The following NNT variants were observed in gnomAD, a reference collection of about 807,000 sequenced individuals.
The protein encoded by NNT is NAD(P) transhydrogenase, mitochondrial.
A neutral mutation model predicts 104.8 loss-of-function variants in NNT; 50 were observed. The ratio of observed to expected loss-of-function variants is 0.48; its 90% CI spans 0.38 to 0.60. The LOEUF is 0.60. Ranked by LOEUF, NNT falls within the 20% of genes least tolerant of loss-of-function variation. The pLI is 0.00. For missense variants in NNT, 1,131 were observed against 1,330.7 expected (o/e 0.85, Z 2.33); for synonymous variants, 461 against 490.4 (o/e 0.94, Z 0.79).
At chr5:43,704,092 C>T (rs1742993683) in intron 21 of NNT, among the ~76,000 whole-genome samples, 163 bp from the exon 22 acceptor site, 1 of 152,074 alleles carries the variant, frequency 6.6e-6, no homozygotes, top group African/African-American at 2.4e-5. Flanking sequence ...ACAATGTAAA[C>T]ATATGTTAAA....
At position 43,644,768 on chromosome 5, in the gene NNT, T is replaced by TG. The variant is rs864309519; in HGVS notation, c.1259dup (p.His421SerfsTer4). On this transcript the variant is annotated frameshift_variant, in exon 9 of 22. Coordinates refer to ENST00000344920, the MANE Select transcript of NNT (RefSeq NM_182977.3). LOFTEE classifies it high-confidence loss of function. The stretch of plus-strand genomic sequence containing the variant: ...AAAGATGACTTTGACTTTGGTACGA[T>TG]GGGTCATGTCATTAGAGGAACTGTA... The TG allele has an allele frequency of 3.7e-6, 6 of 1,614,162 alleles. No homozygotes were observed. The highest frequency in any genetic ancestry group is 5.1e-6 in the Non-Finnish European group (6 of 1,179,990).
Position 43,692,193 on chromosome 5 carries a change from A to AT in NNT, c.2877-7916dup, listed in dbSNP as rs71610329. Among the ~76,000 whole-genome samples the AT allele has an allele frequency of 7.3e-5, 11 of 150,882 alleles. No individual in the cohort carries two copies. The South Asian group carries it at 8.3e-4, about 11-fold the overall frequency. The stretch of plus-strand genomic sequence containing the variant: ...ATCAAATAAAGCATTAAAAGTTTTA[A>AT]TTTTTTTTTTCTTTCTCAGTTGAGG... On this transcript the variant is annotated intron_variant, in intron 19 of 21. Transcript: ENST00000344920.
chr5:43,642,733 C>G (rs986890529), intron 7 of NNT, among the ~76,000 whole-genome samples: 1 of 152,148 alleles, frequency 6.6e-6, no homozygotes, highest in Non-Finnish European at 1.5e-5. Flanking sequence ...TATCTCAAAA[C>G]TATACAGTTT....
chr5:43,666,118 C>T (rs895359607), intron 17 of NNT, among the ~76,000 whole-genome samples: 1 of 149,446 alleles, frequency 6.7e-6, no homozygotes, highest in Non-Finnish European at 1.5e-5. Context: ...ACTGGGCGGC[C>T]GGGCAGAGGG....
intron 19 of NNT, among the ~76,000 whole-genome samples, chr5:43,685,888 A>C (rs756717963): frequency 6.6e-6 from 1 of 152,108 alleles, no homozygotes; most frequent in Non-Finnish European, 1.5e-5. Context: ...ATCTAATGTG[A>C]AGTTGTGAAA....
intron 4 of NNT, among the ~76,000 whole-genome samples, chr5:43,618,656 TTC>T (rs1284088027): frequency 6.6e-6 from 1 of 152,232 alleles, no homozygotes; most frequent in Non-Finnish European, 1.5e-5. Context: ...TTCTATTATG[TTC>T]TACAGTACTT....
intron 18 of NNT, 29 bp from the exon 19 acceptor site, chr5:43,677,696 T>C: frequency 6.3e-7 from 1 of 1,579,364 alleles, no homozygotes; most frequent in Non-Finnish European, 8.7e-7. Flanking sequence ...AAAAAACACA[T>C]TCTTCTGTGT....
intron 5 of NNT, among the ~76,000 whole-genome samples, chr5:43,620,156 G>A (rs1750001586): frequency 6.6e-6 from 1 of 152,108 alleles, no homozygotes; most frequent in Non-Finnish European, 1.5e-5. Flanking sequence ...ACAGCACTAG[G>A]TACAGGAAAC....
rs1480712790 is a variant in NNT, at chr5:43,705,053, A to G, written c.*649A>G. On this transcript the variant is annotated 3_prime_UTR_variant, in exon 22 of 22. Transcript: ENST00000344920. Reference sequence around the variant, plus strand: ...GCTGGAAACAAATCATTTGCTTTATATGTTTCATTAGAATACCAATGAAAC... The same window carrying G: ...GCTGGAAACAAATCATTTGCTTTATGTGTTTCATTAGAATACCAATGAAAC... The G allele has an allele frequency of 6.6e-6, 1 of 152,174 alleles. No individual in the cohort carries two copies. The allele number at this position is 152,174 out of a possible 1,614,324, so 9.4% of individuals were successfully genotyped here. A position where few individuals can be genotyped will look rare whatever the true frequency, so the allele number is the denominator to read the frequency against.
Position 43,628,359 on chromosome 5 carries a change from C to T in NNT, c.936C>T (p.Asp312=), listed in dbSNP as rs1477831099. Residue 312 remains aspartate, a synonymous_variant, in exon 7 of 22, where the codon GAC becomes GAT. Coordinates refer to ENST00000344920, the MANE Select transcript of NNT (RefSeq NM_182977.3). ...KLFAQQCKEV[D]ILISTALIPG... ...TTGCTCAACAATGCAAGGAGGTAGA[C>T]ATCCTTATCAGCACAGCACTTATTC... 3.7e-6 allele frequency: 6 copies of T among 1,612,614 alleles called. No individual in the cohort carries two copies. Among genetic ancestry groups the T allele is most frequent in the Non-Finnish European group, 5.1e-6 (6 of 1,179,304 alleles).
intron 3 of NNT, among the ~76,000 whole-genome samples, chr5:43,613,883 CA>C (rs35603007): frequency 0.034 from 5,212 of 152,202 alleles, 139 homozygotes; most frequent in East Asian, 0.13. Context: ...GTATCAATCA[CA>C]TAGTTTTTTT....
chr5:43,641,212 C>T (rs906954671), intron 7 of NNT, among the ~76,000 whole-genome samples: 25 of 152,048 alleles, frequency 1.6e-4, no homozygotes, highest in Non-Finnish European at 3.5e-4. Context: ...CTCAGTCTTT[C>T]TCTCTCTGGA....
rs1749587554 is a variant in NNT, at chr5:43,613,092, A to G, written c.336A>G (p.Gln112=). The change falls in exon 3 of 22, where the codon CAA becomes CAG. Residue 112 remains glutamine (Q), a synonymous_variant. Transcript: ENST00000344920. ...SDDHYRVAGA[Q]IQGAKEVLAS... ...ATCACTATAGAGTGGCAGGTGCCCA[A>G]ATCCAAGGGGCAAAGGAAGTGCTGG... 1 of 1,613,472 alleles carries G rather than the reference A, an allele frequency of 6.2e-7. No homozygotes were observed. The highest frequency in any genetic ancestry group is 1.3e-5 in the African/African-American group (1 of 75,032).
intron 19 of NNT, among the ~76,000 whole-genome samples, chr5:43,680,541 A>T (rs1580105054): frequency 3.9e-5 from 6 of 152,190 alleles, no homozygotes; most frequent in Admixed American, 3.3e-4. Context: ...CAGTGTGGAC[A>T]TATGATTGTC....
intron 19 of NNT, among the ~76,000 whole-genome samples, chr5:43,694,931 T>C (rs1742482429): frequency 6.6e-6 from 1 of 152,172 alleles, no homozygotes; most frequent in Admixed American, 6.6e-5. Context: ...ATTCATCAGG[T>C]CCTGGGCTTT....
intron 19 of NNT, among the ~76,000 whole-genome samples, chr5:43,687,073 G>A (rs1742027582): frequency 6.6e-6 from 1 of 152,102 alleles, no homozygotes; most frequent in South Asian, 2.1e-4. Flanking sequence ...CTTGAATGGA[G>A]TCCTTGCAAT....
intron 7 of NNT, among the ~76,000 whole-genome samples, chr5:43,642,925 A>C (rs562666431): frequency 1.8e-4 from 27 of 152,286 alleles, no homozygotes; most frequent in Middle Eastern, 3.4e-3. Flanking sequence ...TTTTTATAAA[A>C]AATATGTATA....
rs750658028 is a variant in NNT, at chr5:43,619,133, T to C, written c.687+14T>C. ...CCTCCAGCTAAGGTAGGTACAACTT[T>C]TAATGTTTCTTTATAATATGCATTG... On this transcript the variant is annotated intron_variant, in intron 5 of 21. Coordinates refer to ENST00000344920, the MANE Select transcript of NNT (RefSeq NM_182977.3). 21 of 1,459,218 alleles carry C rather than the reference T, an allele frequency of 1.4e-5. No individual in the cohort carries two copies. The highest frequency in any genetic ancestry group is 1.9e-5 in the Non-Finnish European group (21 of 1,079,248). 90.4% of individuals were successfully genotyped at this position (1,459,218 alleles called of 1,614,324 possible). A position where few individuals can be genotyped will look rare whatever the true frequency, so the allele number is the denominator to read the frequency against.
chr5:43,642,329 A>G (rs1325736712), intron 7 of NNT, among the ~76,000 whole-genome samples: 4 of 152,208 alleles, frequency 2.6e-5, no homozygotes, highest in Admixed American at 1.3e-4. Flanking sequence ...GCCGAGCAGC[A>G]TGACCTTTAT....
Sources: gnomAD v4.1 joint callset for allele counts (sites outside exome capture counted in the v4.1 genomes callset) on GRCh38, gnomAD v4.1.1 for gene constraint, MANE v1.5 for transcripts, NCBI Gene and HGNC (gene_info 2026-07-23, HGNC 2026-07-21) for gene names.